Variants in KCNH2 observed in about 807,000 individuals in gnomAD.
KCNH2 encodes potassium voltage-gated channel subfamily H member 2.
A neutral mutation model predicts 95.9 loss-of-function variants in KCNH2; 35 were observed. The ratio of observed to expected loss-of-function variants is 0.37; its 90% confidence interval spans 0.28 to 0.48. The LOEUF is 0.48. Ranked by LOEUF, KCNH2 falls within the 20% of genes least tolerant of loss-of-function variation. KCNH2 has a pLI of 0.99. For missense variants in KCNH2, 1,274 were observed against 1,702.9 expected, an observed-to-expected ratio of 0.75 and a Z score of 4.43; for synonymous variants, 786 against 754.7, an observed-to-expected ratio of 1.04 and a Z score of -0.68.
intron 2 of KCNH2, among the ~76,000 whole-genome samples, chr7:150,974,331 A>G (rs1255060679): frequency 6.6e-6 from 1 of 152,146 alleles, no homozygotes; most frequent in Non-Finnish European, 1.5e-5. Flanking sequence ...TCAGCGCACA[A>G]CTGCCAATCT....
chr7:150,951,223 G>T (rs373097096), intron 7 of KCNH2, 103 bp from the exon 8 acceptor site: 3 of 1,109,252 alleles, frequency 2.7e-6, no homozygotes, highest in South Asian at 1.4e-5. Context: ...CAGTCTCAGC[G>T]TCGACATGCC....
intron 8 of KCNH2, 131 bp from the exon 9 acceptor site, chr7:150,950,551 A>C (rs1801109434): frequency 5.0e-6 from 6 of 1,211,782 alleles, no homozygotes; most frequent in Non-Finnish European, 6.8e-6. Flanking sequence ...CGGAAGCATC[A>C]GGGGGCCCAG....
At chr7:150,960,629 C>T (rs1377011772) in intron 2 of KCNH2, among the ~76,000 whole-genome samples, 2 of 152,210 alleles carry the variant, frequency 1.3e-5, no homozygotes, top group African/African-American at 4.8e-5. Context: ...ATGTACCAGC[C>T]TATAACATAT....
chr7:150,951,347 T>C, intron 7 of KCNH2, 101 bp downstream of exon 7: 4 of 1,326,184 alleles, frequency 3.0e-6, no homozygotes, highest in South Asian at 1.2e-5. Context: ...AGTCTCTAAG[T>C]TCCAGGGCCT....
rs761112618 is a variant in KCNH2, at chr7:150,949,023, G to A, written c.2425C>T (p.Leu809=). The part of the protein sequence containing the change: ...LGKNDIFGEP[L]NLYARPGKSN... Reference sequence around the variant, plus strand: ...TTGCCAGGCCTTGCATACAGGTTCAGAGGCTCCCCAAAGATGTCATTCTTC... The same window carrying A: ...TTGCCAGGCCTTGCATACAGGTTCAAAGGCTCCCCAAAGATGTCATTCTTC... Residue 809 remains leucine, a synonymous_variant, in exon 10 of 15, where the codon CTG becomes TTG. Coordinates refer to ENST00000262186, the MANE Select transcript of KCNH2 (RefSeq NM_000238.4). 6 of 1,614,244 alleles carry A rather than the reference G, an allele frequency of 3.7e-6. No individual in the cohort carries two copies. Among genetic ancestry groups the A allele is most frequent in the Non-Finnish European group, 5.1e-6 (6 of 1,180,034 alleles).
At chr7:150,949,250 G>C (rs1563151177) in intron 9 of KCNH2, among the ~76,000 whole-genome samples, 1 of 152,122 alleles carries the variant, frequency 6.6e-6, no homozygotes. Context: ...GACAGTGCCA[G>C]AGGGGCCAGG....
intron 2 of KCNH2, among the ~76,000 whole-genome samples, chr7:150,970,892 C>A (rs957388766): frequency 1.3e-5 from 2 of 152,208 alleles, no homozygotes; most frequent in African/African-American, 4.8e-5. Context: ...GACAAGAAAA[C>A]CCACTTATAC....
chr7:150,952,298 G>GTCTTTTTC lies in KCNH2; in HGVS notation c.1557+126_1557+127insGAAAAAGA. 1 of 1,013,386 alleles carries GTCTTTTTC rather than the reference G, an allele frequency of 9.9e-7. No homozygotes were observed. Among genetic ancestry groups the GTCTTTTTC allele is most frequent in the South Asian group, 1.4e-5 (1 of 70,706 alleles). The allele number at this position is 1,013,386 out of a possible 1,614,324, so 62.8% of individuals were successfully genotyped here. A position where few individuals can be genotyped will look rare whatever the true frequency, so the allele number is the denominator to read the frequency against. On this transcript the variant is annotated intron_variant, in intron 6 of 14. Transcript: ENST00000262186. This position sits in a 1 kb window ranked among gnomAD's most constrained non-coding sequence, Gnocchi z 7.3. Reference sequence around the variant, plus strand: ...CTTGCCACCATGTCTCTCTCCCACTGTCTTTCTCTCTTTCTCTCTCTCTCT... The same window carrying GTCTTTTTC: ...CTTGCCACCATGTCTCTCTCCCACTGTCTTTTTCTCTTTCTCTCTTTCTCTCTCTCTCT...
At chr7:150,972,380 A>ACACACAGG (rs1801863642) in intron 2 of KCNH2, among the ~76,000 whole-genome samples, 1 of 152,202 alleles carries the variant, frequency 6.6e-6, no homozygotes, top group African/African-American at 2.4e-5. Context: ...GTGTGAGTAC[A>ACACACAGG]CACACAGGCA....
chr7:150,975,028 G>C (rs914445268), intron 1 of KCNH2, 87 bp from the exon 2 acceptor site: 1 of 1,181,920 alleles, frequency 8.5e-7, no homozygotes, highest in Non-Finnish European at 1.2e-6. Flanking sequence ...CACTCACACA[G>C]CCGCCCGGGG....
In KCNH2 at chr7:150,952,364, C is replaced by T; in HGVS notation, c.1557+61G>A. ...CCTCGCCACCCCCTCCACCCCACTA[C>T]CTCCCACCACATTCCTGGCCTCTCC... On this transcript the variant is annotated intron_variant, in intron 6 of 14. Coordinates refer to ENST00000262186, the MANE Select transcript of KCNH2 (RefSeq NM_000238.4). This position sits in a 1 kb window ranked among gnomAD's most constrained non-coding sequence, Gnocchi z 7.3. 1 of 1,527,136 alleles carries T rather than the reference C, an allele frequency of 6.5e-7. No homozygotes were observed. Among genetic ancestry groups the T allele is most frequent in the Non-Finnish European group, 9.0e-7 (1 of 1,113,610 alleles). The allele number at this position is 1,527,136 out of a possible 1,614,324, so 94.6% of individuals were successfully genotyped here. A position where few individuals can be genotyped will look rare whatever the true frequency, so the allele number is the denominator to read the frequency against.
chr7:150,972,003 T>C (rs531471708), intron 2 of KCNH2, among the ~76,000 whole-genome samples: 7 of 152,052 alleles, frequency 4.6e-5, no homozygotes, highest in African/African-American at 1.2e-4. Flanking sequence ...CTCACACCAC[T>C]GGACTCTGCC....
chr7:150,970,445 A>C (rs41307343), intron 2 of KCNH2, among the ~76,000 whole-genome samples: 1 of 152,248 alleles, frequency 6.6e-6, no homozygotes, highest in South Asian at 2.1e-4. Context: ...TCCAGACCCC[A>C]GGGTGGGTCA....
intron 7 of KCNH2, 137 bp from the exon 8 acceptor site, chr7:150,951,257 C>T (rs540263080): frequency 1.4e-4 from 142 of 981,328 alleles, no homozygotes; most frequent in Middle Eastern, 3.2e-4. Context: ...TGTACATCTG[C>T]GCTCCAGCAC....
intron 2 of KCNH2, among the ~76,000 whole-genome samples, chr7:150,969,435 C>G (rs148750754): frequency 1.4e-5 from 2 of 145,962 alleles, no homozygotes; most frequent in Non-Finnish European, 3.0e-5. Context: ...TCTGTCCCCC[C>G]ACCCCATCCT....
At chr7:150,968,058 G>A (rs1370542927) in intron 2 of KCNH2, among the ~76,000 whole-genome samples, 1 of 152,214 alleles carries the variant, frequency 6.6e-6, no homozygotes, top group African/African-American at 2.4e-5. Context: ...GAAATCAAAG[G>A]AATGCAAATT....
chr7:150,947,105 C>A, intron 13 of KCNH2, 51 bp from the exon 14 acceptor site: 1 of 1,445,496 alleles, frequency 6.9e-7, no homozygotes, highest in Non-Finnish European at 9.4e-7. Flanking sequence ...CCAGTGACAG[C>A]CTCCACCGGG....
At position 150,952,575 on chromosome 7, in the gene KCNH2, G is replaced by A; in HGVS notation, c.1407C>T (p.Ile469=). ...CATTGACGTAGGTGGTGCGGAAGTTGATGAGGATGTCCACAATGAACATGA... is the reference window on the plus strand; with the variant it reads ...CATTGACGTAGGTGGTGCGGAAGTTAATGAGGATGTCCACAATGAACATGA... ...VDIMFIVDIL[I]NFRTTYVNAN... is the part of the protein sequence containing the mutation. Residue 469 remains isoleucine (I), a synonymous_variant, in exon 6 of 15, where the codon ATC becomes ATT. Transcript: ENST00000262186. The surrounding 1 kb of genome is among the most constrained non-coding windows in gnomAD (Gnocchi z 7.3). The A allele has an allele frequency of 6.2e-7, 1 of 1,614,234 alleles. No individual in the cohort carries two copies. The highest frequency in any genetic ancestry group is 8.5e-7 in the Non-Finnish European group (1 of 1,180,048).
In KCNH2 at chr7:150,950,209, G is replaced by C; in HGVS notation, c.2357C>G (p.Ser786Cys). 1 of 1,612,494 alleles carries C rather than the reference G, an allele frequency of 6.2e-7. No individual in the cohort carries two copies. Among genetic ancestry groups the C allele is most frequent in the South Asian group, 1.1e-5 (1 of 90,976 alleles). Residue 786 changes from serine to cysteine, a missense_variant, in exon 9 of 15, where the codon TCC becomes TGC. Around this residue, in one of 7 missense-constraint regions of KCNH2, gnomAD observed 159 missense variants for 282.5 expected, o/e 0.56. Coordinates refer to ENST00000262186, the MANE Select transcript of KCNH2 (RefSeq NM_000238.4). ...GACGTCGCCCCGCAGGATCTCGATG[G>C]AGCCCCGGGAGATGAAGTACAGGGC... ...LTALYFISRG[S>C]IEILRGDVVV...
Sources: gnomAD v4.1 joint callset for allele counts (sites outside exome capture counted in the v4.1 genomes callset) on GRCh38, gnomAD v4.1.1 for gene constraint, gnomAD v4.1.1 regional missense constraint, Gnocchi (gnomAD v3.1) non-coding constraint, MANE v1.5 for transcripts, NCBI Gene and HGNC (gene_info 2026-07-23, HGNC 2026-07-21) for gene names.